The following CAPN1 variants were observed in gnomAD, a reference collection of about 807,000 sequenced individuals.
CAPN1 encodes calpain 1.
A neutral mutation model predicts 105.2 loss-of-function variants in CAPN1; 77 were observed. That is an observed-to-expected ratio of 0.73 (90% confidence interval 0.61 to 0.88). The LOEUF is 0.88. Ranked by LOEUF, CAPN1 falls within the 40% of genes least tolerant of loss-of-function variation. The probability of loss-of-function intolerance (pLI) is 0.00; values close to 1 mark genes in which losing one functional copy is unlikely to be tolerated. For missense variants in CAPN1, 833 were observed against 976.6 expected (o/e 0.85, Z 1.96); for synonymous variants, 355 against 388.8 (o/e 0.91, Z 1.02).
chr11:65,196,509 C>A (rs1161793393), intron 10 of CAPN1, among the ~76,000 whole-genome samples: 1 of 152,038 alleles, frequency 6.6e-6, no homozygotes, highest in Middle Eastern at 3.2e-3. Context: ...ATTCTTCTAG[C>A]TATTTTGAAA....
chr11:65,187,394 G>A, intron 7 of CAPN1, 96 bp downstream of exon 7: 2 of 809,064 alleles, frequency 2.5e-6, no homozygotes, highest in South Asian at 3.0e-5. Context: ...GGAAGGTGCT[G>A]GCTCCTCCTT....
At chr11:65,198,781 T>C (rs1948826996) in intron 10 of CAPN1, among the ~76,000 whole-genome samples, 1 of 152,174 alleles carries the variant, frequency 6.6e-6, no homozygotes. Context: ...CACCTCAGTG[T>C]CTCAAGTAGC....
At position 65,182,996 on chromosome 11, in the gene CAPN1, C is replaced by T. The variant is rs753830925; in HGVS notation, c.267+28C>T. ...GAGAGGGGCCATCCTGGGTGGGACT[C>T]GGCTAAGCCAGATCCTGGATGAGGA... On this transcript the variant is annotated intron_variant, in intron 2 of 21. Coordinates refer to ENST00000279247, the MANE Select transcript of CAPN1 (RefSeq NM_005186.4). The T allele has an allele frequency of 1.1e-5, 17 of 1,612,064 alleles. No homozygotes were observed. The South Asian group carries it at 1.8e-4, about 17-fold the overall frequency.
At chr11:65,187,649 G>A in intron 7 of CAPN1, 1 of 451,366 alleles carries the variant, frequency 2.2e-6, no homozygotes, top group Non-Finnish European at 4.1e-6. Context: ...CACTTTGGGA[G>A]GCTGAGGTGG....
In CAPN1 at chr11:65,208,722, G is replaced by A. The variant is rs1949000822; in HGVS notation, c.1729+460G>A. The A allele has an allele frequency of 7.2e-6, 2 of 279,142 alleles. No homozygotes were observed. The highest frequency in any genetic ancestry group is 4.4e-5 in the African/African-American group (2 of 45,800). The allele number at this position is 279,142 out of a possible 1,614,324, so 17.3% of individuals were successfully genotyped here. On this transcript the variant is annotated intron_variant, in intron 16 of 21. Coordinates refer to ENST00000279247, the MANE Select transcript of CAPN1 (RefSeq NM_005186.4). The surrounding 1 kb of genome is among the most constrained non-coding windows in gnomAD (Gnocchi z 4.1). ...TGAGACCAGGGAGGTTAAGGCTGCA[G>A]TGAGCTGTGATCACATCAGTGCACT... is the stretch of plus-strand genomic sequence containing the variant.
In CAPN1 at chr11:65,204,751, G is replaced by A. The variant is rs771169260; in HGVS notation, c.1234G>A (p.Asp412Asn). The change falls in exon 11 of 22, where the codon GAC becomes AAC. Residue 412 changes from aspartate to asparagine, a missense_variant. Asp to Asn is a conservative substitution (Grantham distance 23). Coordinates refer to ENST00000279247, the MANE Select transcript of CAPN1 (RefSeq NM_005186.4). ...DETDDPDDYG[D>N]RESGCSFVLA... The stretch of plus-strand genomic sequence containing the variant: ...GACGGATGACCCGGACGACTACGGG[G>A]ACCGCGAGTCAGGCTGCAGCTTCGT... 6.2e-6 allele frequency: 10 copies of A among 1,613,048 alleles called. No individual in the cohort carries two copies. Among genetic ancestry groups the A allele is most frequent in the African/African-American group, 1.3e-5 (1 of 74,942 alleles).
chr11:65,190,668 C>T (rs1480501300), intron 10 of CAPN1, among the ~76,000 whole-genome samples: 1 of 151,794 alleles, frequency 6.6e-6, no homozygotes, highest in Non-Finnish European at 1.5e-5. Flanking sequence ...CAAATTCCTT[C>T]TTCAAGAGTC....
Position 65,188,618 on chromosome 11 carries a change from C to T in CAPN1, c.1037C>T (p.Thr346Ile), listed in dbSNP as rs192790363. 1.4e-4 allele frequency: 232 copies of T among 1,613,970 alleles called. No homozygotes were observed. The highest frequency in any genetic ancestry group is 7.6e-6 in the Non-Finnish European group (9 of 1,179,882). Reference sequence around the variant, plus strand: ...TTCCGAGACTTCATGCGGGAGTTCACCCGCCTGGAGATCTGCAACCTCACA... The same window carrying T: ...TTCCGAGACTTCATGCGGGAGTTCATCCGCCTGGAGATCTGCAACCTCACA... ...MSFRDFMREF[T>I]RLEICNLTPD... The change falls in exon 10 of 22, where the codon ACC becomes ATC. Residue 346 changes from threonine (T) to isoleucine (I), a missense_variant. By Grantham distance (89) the Thr-to-Ile change is moderately conservative. Coordinates refer to ENST00000279247, the MANE Select transcript of CAPN1 (RefSeq NM_005186.4). This position sits in a 1 kb window ranked among gnomAD's most constrained non-coding sequence, Gnocchi z 5.5.
At chr11:65,207,361 G>A (rs1948977113) in intron 14 of CAPN1, among the ~76,000 whole-genome samples, 1 of 151,644 alleles carries the variant, frequency 6.6e-6, no homozygotes, top group Non-Finnish European at 1.5e-5. Flanking sequence ...TACCACACCT[G>A]GCTAATTTTT....
At chr11:65,203,157 C>A (rs1948896155) in intron 10 of CAPN1, among the ~76,000 whole-genome samples, 1 of 151,722 alleles carries the variant, frequency 6.6e-6, no homozygotes, top group African/African-American at 2.4e-5. Flanking sequence ...GTAGTTTCAT[C>A]CACTCAGCTG....
Position 65,210,161 on chromosome 11 carries a change from C to T in CAPN1, c.1942+65C>T, listed in dbSNP as rs921271484. 12 of 1,403,186 alleles carry T rather than the reference C, an allele frequency of 8.6e-6. No homozygotes were observed. Among genetic ancestry groups the T allele is most frequent in the Non-Finnish European group, 1.2e-5 (12 of 990,904 alleles). 86.9% of individuals were successfully genotyped at this position (1,403,186 alleles called of 1,614,324 possible). A position where few individuals can be genotyped will look rare whatever the true frequency, so the allele number is the denominator to read the frequency against. The stretch of plus-strand genomic sequence containing the variant: ...CAGGTAGCCCCACTGCTCCTATGCC[C>T]CAGGCCCTTGTCCCTGGGGTGCTAG... On this transcript the variant is annotated intron_variant, in intron 19 of 21. Coordinates refer to ENST00000279247, the MANE Select transcript of CAPN1 (RefSeq NM_005186.4). The surrounding 1 kb of genome is among the most constrained non-coding windows in gnomAD (Gnocchi z 4.3).
At position 65,198,389 on chromosome 11, in the gene CAPN1, A is replaced by G. The variant is rs1404537419; in HGVS notation, c.1166-6294A>G. ...CTCAAACTCCTAGCTCAAGCCATCC[A>G]CCTGCCTCGGCCTCCCAAAGTGCTA... On this transcript the variant is annotated intron_variant, in intron 10 of 21. Transcript: ENST00000279247. Among the ~76,000 whole-genome samples, 7 of 151,986 alleles carry G rather than the reference A, an allele frequency of 4.6e-5. No individual in the cohort carries two copies. The East Asian group carries it at 1.4e-3, about 30-fold the overall frequency.
At chr11:65,183,956 G>T (rs1467110) in intron 4 of CAPN1, among the ~76,000 whole-genome samples, 1 of 152,058 alleles carries the variant, frequency 6.6e-6, no homozygotes, top group South Asian at 2.1e-4. Flanking sequence ...CCTTCTCCAC[G>T]TGTCAAGCCT....
intron 12 of CAPN1, chr11:65,205,965 T>C: frequency 1.7e-6 from 1 of 572,732 alleles, no homozygotes. Flanking sequence ...GTCTGACATG[T>C]ACACATGAGG....
chr11:65,202,438 A>G (rs561519283), intron 10 of CAPN1, among the ~76,000 whole-genome samples: 73 of 151,866 alleles, frequency 4.8e-4, no homozygotes, highest in African/African-American at 1.2e-3. Context: ...TTATTTATTT[A>G]TTTGTTTGTT....
At chr11:65,183,042 C>T (rs1195603565) in intron 2 of CAPN1, 74 bp downstream of exon 2, 14 of 1,608,758 alleles carry the variant, frequency 8.7e-6, no homozygotes, top group Non-Finnish European at 1.2e-5. Flanking sequence ...GACTCCATGT[C>T]CCTGGTGGGG....
intron 10 of CAPN1, among the ~76,000 whole-genome samples, chr11:65,189,863 A>C (rs748225403): frequency 6.6e-6 from 1 of 152,104 alleles, no homozygotes; most frequent in Non-Finnish European, 1.5e-5. Flanking sequence ...TCTCACCTCG[A>C]TATCTCCCCA....
At position 65,204,678 on chromosome 11, in the gene CAPN1, C is replaced by A. The variant is rs918354443; in HGVS notation, c.1166-5C>A. ...TCTGATCCCCGCCTCCTCACCTGCCCGCAGCCACCTTCTGGGTGAACCCTC... is the reference window on the plus strand; with the variant it reads ...TCTGATCCCCGCCTCCTCACCTGCCAGCAGCCACCTTCTGGGTGAACCCTC... On this transcript the variant is annotated splice_polypyrimidine_tract_variant and splice_region_variant and intron_variant, in intron 10 of 21. Transcript: ENST00000279247. The A allele has an allele frequency of 3.1e-6, 5 of 1,605,250 alleles. No individual in the cohort carries two copies. The highest frequency in any genetic ancestry group is 4.3e-6 in the Non-Finnish European group (5 of 1,173,318).
chr11:65,208,105 G>A lies in CAPN1; in HGVS notation c.1656G>A (p.Arg552=), dbSNP rs1445204396. ...ACGAGAACTTCAAGGCCCTCTTCAG[G>A]CAGCTGGCAGGGGAGGTAGGTTGGG... is the stretch of plus-strand genomic sequence containing the variant. The part of the protein sequence containing the change: ...EIDENFKALF[R]QLAGEDMEIS... Residue 552 remains arginine (R), a synonymous_variant, in exon 15 of 22, where the codon AGG becomes AGA. Coordinates refer to ENST00000279247, the MANE Select transcript of CAPN1 (RefSeq NM_005186.4). This position sits in a 1 kb window ranked among gnomAD's most constrained non-coding sequence, Gnocchi z 4.1. 6.2e-7 allele frequency: 1 copy of A among 1,608,150 alleles called. No homozygotes were observed. The highest frequency in any genetic ancestry group is 8.5e-7 in the Non-Finnish European group (1 of 1,177,526).
Sources: gnomAD v4.1 joint callset for allele counts (sites outside exome capture counted in the v4.1 genomes callset) on GRCh38, gnomAD v4.1.1 for gene constraint, Gnocchi (gnomAD v3.1) non-coding constraint, MANE v1.5 for transcripts, NCBI Gene and HGNC (gene_info 2026-07-23, HGNC 2026-07-21) for gene names.